TULP4: variants seen among roughly 807,000 people sequenced by gnomAD.
The protein encoded by TULP4 is tubby-related protein 4.
Under a neutral mutation model 129.0 loss-of-function variants are expected in TULP4, and 16 were observed. That is an observed-to-expected ratio of 0.12 (90% CI 0.08 to 0.19). The LOEUF is 0.19. Among genes scored for constraint, TULP4 ranks in the 10% least tolerant of loss-of-function variants. The pLI, the probability that TULP4 is intolerant of heterozygous loss-of-function variation, is 1.00. For missense variants in TULP4, 1,842 were observed against 2,059.1 expected, an observed-to-expected ratio of 0.89 and a Z score of 2.04; for synonymous variants, 998 against 854.0, an observed-to-expected ratio of 1.17 and a Z score of -2.94.
chr6:158,374,574 C>CT (rs1777145113), intron 1 of TULP4, among the ~76,000 whole-genome samples: 1 of 152,162 alleles, frequency 6.6e-6, no homozygotes, highest in Admixed American at 6.5e-5. Flanking sequence ...CAGCTTATTC[C>CT]TTTTTTCCCA....
At chr6:158,320,396 A>G (rs539428721) in intron 1 of TULP4, among the ~76,000 whole-genome samples, 5 of 152,094 alleles carry the variant, frequency 3.3e-5, no homozygotes, top group African/African-American at 9.6e-5. Flanking sequence ...GTGCAAATTA[A>G]TCAAGGTTAT....
At chr6:158,257,283 T>G (rs1419725025) in intron 1 of TULP4, among the ~76,000 whole-genome samples, 1 of 152,124 alleles carries the variant, frequency 6.6e-6, no homozygotes, top group Non-Finnish European at 1.5e-5. Context: ...AGCTCTGTGC[T>G]TAGTTGCCTC....
rs1423269977 is a variant in TULP4, at chr6:158,313,504, TTC to T, written c.-511_-510del. On this transcript the variant is annotated 5_prime_UTR_variant, in exon 1 of 14. It removes the in-frame stop codon of an upstream open reading frame in the 5' UTR. Coordinates refer to ENST00000367097, the MANE Select transcript of TULP4 (RefSeq NM_020245.5). Reference sequence around the variant, plus strand: ...TTCAGAAGGAAGATGATCCTGTGTATTCTGTCTCTGCATCCGAACTTTTGAAG... The same window carrying T: ...TTCAGAAGGAAGATGATCCTGTGTATTGTCTCTGCATCCGAACTTTTGAAG... 3 of 402,616 alleles carry T rather than the reference TTC, an allele frequency of 7.5e-6. No individual in the cohort carries two copies. Among genetic ancestry groups the T allele is most frequent in the Non-Finnish European group, 1.3e-5 (3 of 228,674 alleles). 24.9% of individuals were successfully genotyped at this position (402,616 alleles called of 1,614,324 possible).
At chr6:158,431,012 T>C (rs1778616016) in intron 3 of TULP4, among the ~76,000 whole-genome samples, 1 of 152,162 alleles carries the variant, frequency 6.6e-6, no homozygotes, top group Non-Finnish European at 1.5e-5. Flanking sequence ...ATATTTTTTC[T>C]CTTCTCAAAA....
At chr6:158,343,754 A>T (rs564798424) in intron 1 of TULP4, among the ~76,000 whole-genome samples, 15 of 152,376 alleles carry the variant, frequency 9.8e-5, no homozygotes, top group African/African-American at 3.6e-4. Flanking sequence ...AGGCAGGAAA[A>T]GACTAATGGC....
intron 1 of TULP4, among the ~76,000 whole-genome samples, chr6:158,251,955 T>C (rs559058091): frequency 2.0e-5 from 3 of 152,368 alleles, no homozygotes; most frequent in South Asian, 2.1e-4. Flanking sequence ...GTTAGCTGCA[T>C]TGAAGCTCCA....
chr6:158,343,856 A>C (rs1466690159), intron 1 of TULP4, among the ~76,000 whole-genome samples: 1 of 152,248 alleles, frequency 6.6e-6, no homozygotes. Context: ...TGCATGGAGA[A>C]AATACTAATA....
chr6:158,372,863 C>T (rs755133258), intron 1 of TULP4, among the ~76,000 whole-genome samples: 12 of 152,152 alleles, frequency 7.9e-5, no homozygotes, highest in Non-Finnish European at 1.0e-4. Context: ...CTTTCATATT[C>T]TGAAAAAATA....
intron 2 of TULP4, among the ~76,000 whole-genome samples, chr6:158,421,234 C>G (rs925188896): frequency 6.6e-6 from 1 of 152,056 alleles, no homozygotes. Context: ...TGGTGGCACG[C>G]GCCTGTAGTC....
intron 1 of TULP4, among the ~76,000 whole-genome samples, chr6:158,387,367 T>C (rs1029713745): frequency 3.3e-5 from 5 of 152,118 alleles, no homozygotes; most frequent in Non-Finnish European, 5.9e-5. Context: ...CTGTAATAAA[T>C]GTCCTAATTT....
intron 1 of TULP4, among the ~76,000 whole-genome samples, chr6:158,264,690 G>C (rs955564801): frequency 6.6e-6 from 1 of 152,144 alleles, no homozygotes; most frequent in Non-Finnish European, 1.5e-5. Flanking sequence ...TGATATTTCA[G>C]AATAGTGCTG....
At chr6:158,242,715 A>G in intron 1 of TULP4, 2 of 540,446 alleles carry the variant, frequency 3.7e-6, no homozygotes, top group Non-Finnish European at 3.5e-6. Context: ...GATCTGCAGT[A>G]TCTTATTGAC....
chr6:158,272,307 C>T (rs1778566460), intron 1 of TULP4, among the ~76,000 whole-genome samples: 1 of 152,196 alleles, frequency 6.6e-6, no homozygotes, highest in Non-Finnish European at 1.5e-5. Flanking sequence ...TCCTCCCTTC[C>T]TGCCCCAATG....
At chr6:158,495,061 A>T (rs201320471) in intron 11 of TULP4, among the ~76,000 whole-genome samples, 2,254 of 149,978 alleles carry the variant, frequency 0.015, 51 homozygotes, top group African/African-American at 0.05. Flanking sequence ...TTTTTTTTTT[A>T]AATCTTTTAA....
intron 1 of TULP4, among the ~76,000 whole-genome samples, chr6:158,247,819 A>G (rs1354978833): frequency 1.3e-5 from 2 of 152,234 alleles, no homozygotes; most frequent in Non-Finnish European, 2.9e-5. Context: ...CAACAAACCG[A>G]GCTGTTAGTG....
At chr6:158,415,020 A>G (rs1349775887) in intron 2 of TULP4, among the ~76,000 whole-genome samples, 4 of 152,224 alleles carry the variant, frequency 2.6e-5, no homozygotes, top group African/African-American at 9.6e-5. Context: ...GTTCCCAAAC[A>G]AGAAATGATT....
At chr6:158,271,326 C>T (rs1010191981) in intron 1 of TULP4, among the ~76,000 whole-genome samples, 1 of 152,086 alleles carries the variant, frequency 6.6e-6, no homozygotes, top group Non-Finnish European at 1.5e-5. Context: ...GTCCAGCTTC[C>T]TCAAGTTGTG....
chr6:158,450,385 G>A (rs1257065652), intron 4 of TULP4, among the ~76,000 whole-genome samples: 1 of 122,244 alleles, frequency 8.2e-6, no homozygotes, highest in Non-Finnish European at 1.7e-5. Context: ...GTGTTGTGTT[G>A]TCTTCTCTTT....
chr6:158,235,480 T>C lies in TULP4; in HGVS notation n.68+3177T>C, dbSNP rs1449875792. ...GCGTGATATCCTCAGGGTTCATCCATGTTATAGCATGTGTCAGCATTTGCA... is the reference window on the plus strand; with the variant it reads ...GCGTGATATCCTCAGGGTTCATCCACGTTATAGCATGTGTCAGCATTTGCA... On this transcript the variant is annotated intron_variant and non_coding_transcript_variant, in intron 1 of 1. Transcript: ENST00000620026. 2.0e-5 allele frequency among the ~76,000 whole-genome samples: 3 copies of C among 152,184 alleles called. No homozygotes were observed. In the East Asian group the frequency reaches 5.8e-4, roughly 29 times the overall value.
Sources: gnomAD v4.1 joint callset for allele counts (sites outside exome capture counted in the v4.1 genomes callset) on GRCh38, gnomAD v4.1.1 for gene constraint, MANE v1.5 for transcripts, NCBI Gene and HGNC (gene_info 2026-07-23, HGNC 2026-07-21) for gene names.